RPE65: variants seen among roughly 807,000 people sequenced by gnomAD.
The protein encoded by RPE65 is retinoid isomerohydrolase RPE65, also known as retinoid isomerohydrolase.
A neutral mutation model predicts 68.5 loss-of-function variants in RPE65; 58 were observed. That is an observed-to-expected ratio of 0.85 (90% confidence interval 0.69 to 1.05). The LOEUF (loss-of-function observed/expected upper bound fraction) is 1.05. Ranked by LOEUF, RPE65 falls within the 50% of genes least tolerant of loss-of-function variation. RPE65 has a pLI of 0.00. For synonymous variants in RPE65, 220 were observed against 222.2 expected, an observed-to-expected ratio of 0.99 and a Z score of 0.09; for missense variants, 643 against 629.9, an observed-to-expected ratio of 1.02 and a Z score of -0.22.
intron 10 of RPE65, 33 bp from the exon 11 acceptor site, chr1:68,431,618 C>G: frequency 6.4e-7 from 1 of 1,570,090 alleles, no homozygotes; most frequent in Non-Finnish European, 8.8e-7. Context: ...CCTCAGTGAG[C>G]AGGAAAGAAT....
chr1:68,445,756 T>C (rs1186530077), intron 3 of RPE65, among the ~76,000 whole-genome samples: 1 of 152,064 alleles, frequency 6.6e-6, no homozygotes, highest in African/African-American at 2.4e-5. Flanking sequence ...CCTCAAGTGA[T>C]CTGGCCGCCT....
At chr1:68,443,954 G>C (rs1260057034) in intron 5 of RPE65, among the ~76,000 whole-genome samples, 1 of 152,100 alleles carries the variant, frequency 6.6e-6, no homozygotes, top group Non-Finnish European at 1.5e-5. Flanking sequence ...GTATCTATAA[G>C]AAGGGGCAAA....
At chr1:68,433,639 A>G (rs929641011) in intron 10 of RPE65, among the ~76,000 whole-genome samples, 1 of 152,174 alleles carries the variant, frequency 6.6e-6, no homozygotes, top group Non-Finnish European at 1.5e-5. Flanking sequence ...TAACTAGCAA[A>G]GTGAGAGAGT....
chr1:68,438,291 A>G lies in RPE65; in HGVS notation c.1024T>C (p.Tyr342His), dbSNP rs1229695080. Residue 342 changes from tyrosine to histidine, a missense_variant, in exon 10 of 14, where the codon TAT becomes CAT. Transcript: ENST00000262340. ...CAGTTCTCACGTAAATTGGCTAAAT[A>G]TAAGTAATTATAAACAAACTCAAAT... is the stretch of plus-strand genomic sequence containing the variant. ...KGFEFVYNYLYLANLRENWEE... is the reference protein window; with the variant it reads ...KGFEFVYNYLHLANLRENWEE... 6.2e-7 allele frequency: 1 copy of G among 1,613,538 alleles called. No individual in the cohort carries two copies. Among genetic ancestry groups the G allele is most frequent in the Non-Finnish European group, 8.5e-7 (1 of 1,179,858 alleles).
chr1:68,435,257 G>C (rs1006208513), intron 10 of RPE65, among the ~76,000 whole-genome samples: 3 of 151,868 alleles, frequency 2.0e-5, no homozygotes, highest in Non-Finnish European at 4.4e-5. Context: ...TTTATTTTCT[G>C]GAGCTACTGT....
At position 68,431,559 on chromosome 1, in the gene RPE65, C is replaced by G. The variant is rs62653014; in HGVS notation, c.1155G>C (p.Thr385=). 6.2e-7 allele frequency: 1 copy of G among 1,613,692 alleles called. No homozygotes were observed. The highest frequency in any genetic ancestry group is 8.5e-7 in the Non-Finnish European group (1 of 1,179,864). The change falls in exon 11 of 14, where the codon ACG becomes ACC. Residue 385 remains threonine, a synonymous_variant. Transcript: ENST00000262340. The part of the protein sequence containing the change: ...DKADTGKNLV[T]LPNTTATAIL... Reference sequence around the variant, plus strand: ...TTGCAGTGGCAGTTGTATTGGGGAGCGTGACTAAATTCTTGCCTGTGTCAG... The same window carrying G: ...TTGCAGTGGCAGTTGTATTGGGGAGGGTGACTAAATTCTTGCCTGTGTCAG...
chr1:68,444,527 C>T lies in RPE65; in HGVS notation c.495+4G>A. ...CCTGAACATCACCTAGCACTGTGTC[C>T]CACCTGCTTAATTGTCTCCAAGGTC... On this transcript the variant is annotated splice_donor_region_variant and intron_variant, in intron 5 of 13. Coordinates refer to ENST00000262340, the MANE Select transcript of RPE65 (RefSeq NM_000329.3). The T allele has an allele frequency of 6.2e-7, 1 of 1,613,952 alleles. No homozygotes were observed. Among genetic ancestry groups the T allele is most frequent in the Non-Finnish European group, 8.5e-7 (1 of 1,179,972 alleles).
intron 10 of RPE65, among the ~76,000 whole-genome samples, chr1:68,437,570 A>C (rs1645870336): frequency 1.3e-5 from 2 of 152,216 alleles, no homozygotes; most frequent in African/African-American, 4.8e-5. Flanking sequence ...ATATATTCAC[A>C]TACCTATATG....
rs1036093152 is a variant in RPE65 at position 68,428,948 on chromosome 1, C to T, written c.*828G>A. 1 of 152,212 alleles carries T rather than the reference C, an allele frequency of 6.6e-6. No individual in the cohort carries two copies. Among genetic ancestry groups the T allele is most frequent in the South Asian group, 2.1e-4 (1 of 4,824 alleles). The allele number at this position is 152,212 out of a possible 1,614,324, so 9.4% of individuals were successfully genotyped here. A position where few individuals can be genotyped will look rare whatever the true frequency, so the allele number is the denominator to read the frequency against. On this transcript the variant is annotated 3_prime_UTR_variant, in exon 14 of 14. Coordinates refer to ENST00000262340, the MANE Select transcript of RPE65 (RefSeq NM_000329.3). ...ATTTTTCCCAAGTGATTGCACAATG[C>T]TTAAATACAATTAAACAAAAAAGAT... is the stretch of plus-strand genomic sequence containing the variant.
rs139436418 is a variant in RPE65, at chr1:68,448,535, G to C, written c.94+89C>G. The C allele has an allele frequency of 5.9e-5, 70 of 1,186,606 alleles. 1 individual carries two copies. The Middle Eastern group carries it at 1.6e-3, about 27-fold the overall frequency. 73.5% of individuals were successfully genotyped at this position (1,186,606 alleles called of 1,614,324 possible). ...TCCCTCTCCCTGTGACCCACAGGGGGAGTCTGCACTGAGAGACGCCAAGGA... is the reference window on the plus strand; with the variant it reads ...TCCCTCTCCCTGTGACCCACAGGGGCAGTCTGCACTGAGAGACGCCAAGGA... On this transcript the variant is annotated intron_variant, in intron 2 of 13. Coordinates refer to ENST00000262340, the MANE Select transcript of RPE65 (RefSeq NM_000329.3).
At position 68,431,329 on chromosome 1, in the gene RPE65, A is replaced by G. The variant is rs985047210; in HGVS notation, c.1291T>C (p.Tyr431His). ...AAGCCAAGTCCATACGCATATGTGTAAGGTTTCCCACAATACTTCTGGTAA... is the reference window on the plus strand; with the variant it reads ...AAGCCAAGTCCATACGCATATGTGTGAGGTTTCCCACAATACTTCTGGTAA... ...INYQKYCGKP[Y>H]TYAYGLGLNH... Residue 431 changes from tyrosine (Y) to histidine (H), a missense_variant, in exon 12 of 14, where the codon TAC (tyrosine) becomes CAC (histidine). By Grantham distance (83) the Tyr-to-His change is moderately conservative. Transcript: ENST00000262340. 22 of 1,613,910 alleles carry G rather than the reference A, an allele frequency of 1.4e-5. No homozygotes were observed.
At chr1:68,436,460 T>A (rs897243064) in intron 10 of RPE65, among the ~76,000 whole-genome samples, 1 of 151,176 alleles carries the variant, frequency 6.6e-6, no homozygotes. Flanking sequence ...ATTTATTTAT[T>A]TATTTATTTA....
intron 1 of RPE65, 120 bp from the exon 2 acceptor site, chr1:68,448,826 C>A (rs1429440841): frequency 3.4e-6 from 1 of 293,706 alleles, no homozygotes; most frequent in Admixed American, 3.6e-5. Context: ...TCACTCCTGC[C>A]GGTCTAGTCT....
At chr1:68,436,754 C>T (rs552469637) in intron 10 of RPE65, among the ~76,000 whole-genome samples, 1 of 152,200 alleles carries the variant, frequency 6.6e-6, no homozygotes, top group African/African-American at 2.4e-5. Context: ...AGGTGTGAGC[C>T]ACTGCGCCTG....
At chr1:68,444,410 G>T in intron 5 of RPE65, 121 bp downstream of exon 5, 5 of 1,275,396 alleles carry the variant, frequency 3.9e-6, no homozygotes, top group South Asian at 3.7e-5. Context: ...AGCTTGGAAT[G>T]GTCATTCTGT....
rs558786234 is a variant in RPE65 at position 68,429,546 on chromosome 1, T to A, written c.*230A>T. On this transcript the variant is annotated 3_prime_UTR_variant, in exon 14 of 14. Transcript: ENST00000262340. ...TGCTAAATATTTAAGAGTTTTTCAG[T>A]TATGGCCTGTCTCACAGAGGAAGTA... 4 of 541,656 alleles carry A rather than the reference T, an allele frequency of 7.4e-6. No homozygotes were observed. In the East Asian group the frequency reaches 1.3e-4, roughly 18 times the overall value. 33.6% of individuals were successfully genotyped at this position (541,656 alleles called of 1,614,324 possible).
In RPE65 at chr1:68,449,875, A is replaced by T; in HGVS notation, c.11+20T>A. On this transcript the variant is annotated intron_variant, in intron 1 of 13. Coordinates refer to ENST00000262340, the MANE Select transcript of RPE65 (RefSeq NM_000329.3). The stretch of plus-strand genomic sequence containing the variant: ...TGAATCCATGAAGGTGTTTTAAAAA[A>T]GTCTCCCAGAGATACTTACTGGATA... The T allele has an allele frequency of 1.9e-6, 3 of 1,613,890 alleles. No individual in the cohort carries two copies. The highest frequency in any genetic ancestry group is 2.5e-6 in the Non-Finnish European group (3 of 1,179,744).
chr1:68,437,492 A>G (rs1645869903), intron 10 of RPE65, among the ~76,000 whole-genome samples: 1 of 152,224 alleles, frequency 6.6e-6, no homozygotes. Context: ...ACAAAGTTTT[A>G]CATTCCATGT....
intron 2 of RPE65, among the ~76,000 whole-genome samples, chr1:68,447,908 A>G (rs563475134): frequency 1.3e-5 from 2 of 152,332 alleles, no homozygotes; most frequent in East Asian, 3.9e-4. Context: ...AGGTAGGTTT[A>G]TCCTTTGAGA....
Sources: allele counts gnomAD v4.1 joint callset (sites outside exome capture counted in the v4.1 genomes callset), GRCh38; gene constraint gnomAD v4.1.1; transcripts MANE v1.5; gene names NCBI Gene and HGNC (gene_info 2026-07-23, HGNC 2026-07-21).